The following DCST1 variants were observed in gnomAD, a reference collection of about 807,000 sequenced individuals.
DCST1 encodes the protein E3 ubiquitin-protein ligase DCST1.
A neutral mutation model predicts 89.1 loss-of-function variants in DCST1; 78 were observed. The ratio of observed to expected loss-of-function variants is 0.88; its 90% CI spans 0.73 to 1.06. DCST1 has a LOEUF of 1.06. DCST1 is among the 50% of genes least tolerant of loss of function. The pLI, the probability that DCST1 is intolerant of heterozygous loss-of-function variation, is 0.00. For synonymous variants in DCST1, 364 were observed against 371.9 expected, an observed-to-expected ratio of 0.98 and a Z score of 0.24; for missense variants, 900 against 928.6, an observed-to-expected ratio of 0.97 and a Z score of 0.40.
intron 13 of DCST1, 85 bp from the exon 14 acceptor site, chr1:155,047,111 T>C (rs570776510): frequency 1.6e-5 from 17 of 1,076,668 alleles, no homozygotes; most frequent in African/African-American, 1.1e-4. Context: ...TTCTGTGTCT[T>C]GACCCCTCCC....
chr1:155,033,824 G>T lies in DCST1; in HGVS notation c.-96G>T. ...TCACTGCATATGTCTTGGAATCCTT[G>T]ACCCAGTTCCGAGGACTGGAGAGGG... On this transcript the variant is annotated 5_prime_UTR_variant, in exon 1 of 17. Coordinates refer to ENST00000295542, the MANE Select transcript of DCST1 (RefSeq NM_152494.4). 1 of 1,452,066 alleles carries T rather than the reference G, an allele frequency of 6.9e-7. No homozygotes were observed. The allele number at this position is 1,452,066 out of a possible 1,614,324, so 89.9% of individuals were successfully genotyped here. A position where few individuals can be genotyped will look rare whatever the true frequency, so the allele number is the denominator to read the frequency against.
At chr1:155,044,971 C>T (rs151257367) in intron 10 of DCST1, among the ~76,000 whole-genome samples, 1 of 152,176 alleles carries the variant, frequency 6.6e-6, no homozygotes, top group Non-Finnish European at 1.5e-5. Context: ...GAAGGAGGCA[C>T]AGAGTCAAAA....
At chr1:155,042,233 G>C (rs1229018949) in intron 8 of DCST1, among the ~76,000 whole-genome samples, 1 of 152,028 alleles carries the variant, frequency 6.6e-6, no homozygotes, top group African/African-American at 2.4e-5. Flanking sequence ...TGAGTAGCTG[G>C]GATTACAGGT....
Position 155,048,165 on chromosome 1 carries a change from G to A in DCST1, c.1864G>A (p.Ala622Thr), listed in dbSNP as rs1335267648. ...CCTGAGGCGGGAGCGACAGCAGAAG[G>A]CTCCGGTAAGTCCAGGCGTAAGTGC... ...AILRRERQQK[A>T]PRHPLADILH... Residue 622 changes from alanine to threonine, a missense_variant, in exon 16 of 17, where the codon GCT becomes ACT. Ala to Thr is a moderately conservative substitution (Grantham distance 58). Transcript: ENST00000295542. The A allele has an allele frequency of 1.2e-6, 2 of 1,613,628 alleles. No homozygotes were observed.
At position 155,048,031 on chromosome 1, in the gene DCST1, A is replaced by C. The variant is rs982961402; in HGVS notation, c.1756-26A>C. ...CCATATTTGGGGGATGCCTTTCTCT[A>C]TCATTGACCCCCTTCCTGCCCCCAG... On this transcript the variant is annotated intron_variant, in intron 15 of 16. Coordinates refer to ENST00000295542, the MANE Select transcript of DCST1 (RefSeq NM_152494.4). 6.2e-6 allele frequency: 10 copies of C among 1,613,168 alleles called. No homozygotes were observed. In the African/African-American group the frequency reaches 1.2e-4, roughly 19 times the overall value.
At chr1:155,047,161 T>A in intron 13 of DCST1, 35 bp from the exon 14 acceptor site, 1 of 1,556,442 alleles carries the variant, frequency 6.4e-7, no homozygotes, top group Non-Finnish European at 8.9e-7. Flanking sequence ...TTTCTCCACC[T>A]GCCCTGACTT....
chr1:155,047,144 T>A (rs988032220), intron 13 of DCST1, 52 bp from the exon 14 acceptor site: 16 of 1,434,398 alleles, frequency 1.1e-5, no homozygotes, highest in Middle Eastern at 1.9e-4. Flanking sequence ...CCTTAACACA[T>A]TCCTGATTTC....
chr1:155,050,569 C>G, intron 16 of DCST1, 48 bp from the exon 17 acceptor site: 1 of 1,516,582 alleles, frequency 6.6e-7, no homozygotes, highest in Non-Finnish European at 8.8e-7. Flanking sequence ...AGTTCCCCTT[C>G]TTTCCCGCCT....
chr1:155,048,862 A>C, intron 16 of DCST1: 1 of 601,264 alleles, frequency 1.7e-6, no homozygotes, highest in South Asian at 2.1e-5. Flanking sequence ...AGTGCAGTTC[A>C]AGGGACAGGA....
intron 6 of DCST1, 51 bp from the exon 7 acceptor site, chr1:155,041,346 A>G (rs1336312411): frequency 6.3e-7 from 1 of 1,593,286 alleles, no homozygotes; most frequent in Non-Finnish European, 8.6e-7. Context: ...AGGCAGCAGA[A>G]GTTCTAAAGC....
Position 155,043,397 on chromosome 1 carries a change from CGCGTGA to C in DCST1, c.1063_1068del (p.Val355_Ser356del). On this transcript the variant is annotated inframe_deletion, in exon 10 of 17. Coordinates refer to ENST00000295542, the MANE Select transcript of DCST1 (RefSeq NM_152494.4). ...GCTGGGGCTCAACACAAGCTGGGAG[CGCGTGA>C]GCACCGAGGTGCGGGACTACGTGTA... The C allele has an allele frequency of 6.2e-7, 1 of 1,613,962 alleles. No individual in the cohort carries two copies. The highest frequency in any genetic ancestry group is 8.5e-7 in the Non-Finnish European group (1 of 1,179,942).
intron 16 of DCST1, among the ~76,000 whole-genome samples, chr1:155,048,819 A>G (rs1660749148): frequency 6.6e-6 from 1 of 152,106 alleles, no homozygotes; most frequent in Admixed American, 6.5e-5. Context: ...GCAAAACCAA[A>G]GTTTCTACCA....
At chr1:155,034,284 G>T in intron 2 of DCST1, 151 bp from the exon 3 acceptor site, 1 of 1,585,396 alleles carries the variant, frequency 6.3e-7, no homozygotes, top group South Asian at 1.1e-5. Flanking sequence ...CACTTCCTCA[G>T]GCTCCCTCAT....
In DCST1 at chr1:155,038,112, G is replaced by T. The variant is rs559922889; in HGVS notation, c.263-1291G>T. Among the ~76,000 whole-genome samples the T allele has an allele frequency of 3.2e-3, 487 of 152,384 alleles. 3 individuals are homozygous for T. The highest frequency in any genetic ancestry group is 0.01 in the Middle Eastern group (3 of 294). The stretch of plus-strand genomic sequence containing the variant: ...CCACAAACCTGAATGACTAGGTGGA[G>T]CCAGCCATGTGAAGAACAGGGAGAG... On this transcript the variant is annotated intron_variant, in intron 4 of 16. Coordinates refer to ENST00000295542, the MANE Select transcript of DCST1 (RefSeq NM_152494.4).
chr1:155,040,394 G>A, intron 5 of DCST1, 91 bp from the exon 6 acceptor site: 1 of 1,437,292 alleles, frequency 7.0e-7, no homozygotes. Flanking sequence ...ATAGTTCTAG[G>A]CGATGGGCAC....
intron 8 of DCST1, among the ~76,000 whole-genome samples, 177 bp from the exon 9 acceptor site, chr1:155,042,558 T>C (rs1047566775): frequency 6.6e-6 from 1 of 152,202 alleles, no homozygotes. Flanking sequence ...GTCTGGTTCC[T>C]GGAGGGCAGG....
intron 9 of DCST1, 99 bp downstream of exon 9, chr1:155,042,955 A>G: frequency 4.1e-6 from 6 of 1,471,198 alleles, no homozygotes; most frequent in Non-Finnish European, 9.1e-7. Context: ...AGGGCACAGG[A>G]AAGAGGTGAC....
chr1:155,047,422 G>T, intron 14 of DCST1, 110 bp downstream of exon 14: 2 of 973,152 alleles, frequency 2.1e-6, no homozygotes, highest in Non-Finnish European at 3.1e-6. Context: ...GGAGAGATGG[G>T]GGTTGGAGCG....
chr1:155,034,805 C>G (rs189404322), intron 4 of DCST1, 78 bp downstream of exon 4: 5 of 1,519,188 alleles, frequency 3.3e-6, no homozygotes, highest in Admixed American at 3.4e-5. Flanking sequence ...AGGAAGGAGT[C>G]GGGACTTGTT....
Sources: allele counts gnomAD v4.1 joint callset (sites outside exome capture counted in the v4.1 genomes callset), GRCh38; gene constraint gnomAD v4.1.1; transcripts MANE v1.5; gene names NCBI Gene and HGNC (gene_info 2026-07-23, HGNC 2026-07-21).